The following ANKRD44 variants were observed in gnomAD, a reference collection of about 807,000 sequenced individuals.
ANKRD44 encodes ankyrin repeat domain 44, also known as serine/threonine-protein phosphatase 6 regulatory ankyrin repeat subunit B.
In ANKRD44, 35 loss-of-function variants were observed where a neutral mutation model predicts 116.0. That is an observed-to-expected ratio of 0.30 (90% confidence interval 0.23 to 0.40). ANKRD44 has a LOEUF of 0.40. Among genes scored for constraint, ANKRD44 ranks in the 10% least tolerant of loss-of-function variants. The pLI is 1.00. For synonymous variants in ANKRD44, 435 were observed against 461.8 expected, an observed-to-expected ratio of 0.94 and a Z score of 0.74; for missense variants, 1,014 against 1,242.6, an observed-to-expected ratio of 0.82 and a Z score of 2.77.
chr2:197,197,728 T>C (rs1409647003), intron 1 of ANKRD44, among the ~76,000 whole-genome samples: 1 of 140,928 alleles, frequency 7.1e-6, no homozygotes, highest in African/African-American at 2.7e-5. Context: ...GAGAACCAAC[T>C]GAGCCCAGGA....
chr2:197,047,588 G>C (rs900138440), intron 16 of ANKRD44, among the ~76,000 whole-genome samples: 1 of 152,128 alleles, frequency 6.6e-6, no homozygotes, highest in Non-Finnish European at 1.5e-5. Flanking sequence ...AAGATTTGCA[G>C]CATTTTCCAA....
chr2:197,063,804 G>C (rs2077371710), intron 16 of ANKRD44, among the ~76,000 whole-genome samples: 1 of 152,228 alleles, frequency 6.6e-6, no homozygotes, highest in Non-Finnish European at 1.5e-5. Flanking sequence ...GGGACTATGT[G>C]AAAAGACCAA....
intron 9 of ANKRD44, among the ~76,000 whole-genome samples, chr2:197,103,025 C>G (rs894558890): frequency 1.3e-5 from 2 of 151,926 alleles, no homozygotes; most frequent in African/African-American, 2.4e-5. Flanking sequence ...GTCAGGAGAT[C>G]AAGACCATCC....
At chr2:197,292,789 C>T (rs917572642) in intron 1 of ANKRD44, among the ~76,000 whole-genome samples, 1 of 152,166 alleles carries the variant, frequency 6.6e-6, no homozygotes, top group African/African-American at 2.4e-5. Flanking sequence ...CTCCTTTGGG[C>T]CCTACTTAGC....
At chr2:197,162,625 C>T (rs577112006) in intron 2 of ANKRD44, among the ~76,000 whole-genome samples, 8 of 152,280 alleles carry the variant, frequency 5.3e-5, no homozygotes, top group East Asian at 1.9e-4. Context: ...TTGGGTCACT[C>T]GAAAGTCTTT....
intron 1 of ANKRD44, among the ~76,000 whole-genome samples, chr2:197,188,291 C>G (rs796406354): frequency 1.3e-5 from 2 of 152,178 alleles, no homozygotes; most frequent in African/African-American, 4.8e-5. Flanking sequence ...TGGGTGAAGA[C>G]AAGGGTGTAT....
At chr2:197,306,528 T>C (rs1428809646) in intron 1 of ANKRD44, among the ~76,000 whole-genome samples, 1 of 152,182 alleles carries the variant, frequency 6.6e-6, no homozygotes, top group Non-Finnish European at 1.5e-5. Context: ...CTCAAAACCA[T>C]GTGATTGGGT....
At chr2:197,054,566 A>T (rs1186278334) in intron 16 of ANKRD44, among the ~76,000 whole-genome samples, 1 of 152,212 alleles carries the variant, frequency 6.6e-6, no homozygotes, top group African/African-American at 2.4e-5. Context: ...CCACTCAGCT[A>T]GTGAGGCTGT....
At chr2:197,210,189 G>A (rs1379580637) in intron 1 of ANKRD44, among the ~76,000 whole-genome samples, 1 of 152,180 alleles carries the variant, frequency 6.6e-6, no homozygotes, top group Non-Finnish European at 1.5e-5. Flanking sequence ...TTCGAATGGA[G>A]ACAAAGAAAG....
At chr2:197,050,233 A>G (rs2077080866) in intron 16 of ANKRD44, among the ~76,000 whole-genome samples, 1 of 152,098 alleles carries the variant, frequency 6.6e-6, no homozygotes, top group Non-Finnish European at 1.5e-5. Context: ...CAAGGGGGAT[A>G]GTGCTAAACC....
At chr2:196,970,816 C>T (rs997873598) in intron 21 of ANKRD44, among the ~76,000 whole-genome samples, 4 of 152,166 alleles carry the variant, frequency 2.6e-5, no homozygotes, top group African/African-American at 9.7e-5. Context: ...GTCCTCTCAC[C>T]TCAGCCTCCT....
At chr2:197,097,953 T>C (rs1301667617) in intron 10 of ANKRD44, among the ~76,000 whole-genome samples, 2 of 152,228 alleles carry the variant, frequency 1.3e-5, no homozygotes, top group Non-Finnish European at 2.9e-5. Context: ...GACCCAGCTT[T>C]AGAAATGTGC....
intron 2 of ANKRD44, among the ~76,000 whole-genome samples, chr2:197,159,960 C>G (rs2079917699): frequency 6.6e-6 from 1 of 152,170 alleles, no homozygotes; most frequent in Non-Finnish European, 1.5e-5. Context: ...GCTTCATCCT[C>G]CTCACAGCAT....
chr2:197,059,731 A>C (rs1468420685), intron 16 of ANKRD44, among the ~76,000 whole-genome samples: 3 of 152,204 alleles, frequency 2.0e-5, no homozygotes, highest in Non-Finnish European at 4.4e-5. Context: ...TTTTAGATAC[A>C]CCATCTATTT....
At chr2:197,141,585 C>T (rs1324447096) in intron 3 of ANKRD44, among the ~76,000 whole-genome samples, 3 of 152,128 alleles carry the variant, frequency 2.0e-5, no homozygotes, top group Admixed American at 6.5e-5. Context: ...CAGCATTGTT[C>T]GCGTGTAGCT....
intron 3 of ANKRD44, among the ~76,000 whole-genome samples, chr2:197,146,564 T>G (rs1177783383): frequency 3.3e-5 from 5 of 151,120 alleles, no homozygotes; most frequent in Non-Finnish European, 7.4e-5. Context: ...CATGTATATA[T>G]AGAGAGAGAG....
intron 2 of ANKRD44, among the ~76,000 whole-genome samples, chr2:197,182,953 G>T (rs2697233): frequency 0.96 from 145,525 of 152,182 alleles, 69,609 homozygotes; most frequent in East Asian, 1. Context: ...GTAGAGAAGA[G>T]AGCAGAAAGG....
chr2:197,116,946 A>C (rs1040391166), intron 8 of ANKRD44, among the ~76,000 whole-genome samples: 1 of 152,066 alleles, frequency 6.6e-6, no homozygotes, highest in African/African-American at 2.4e-5. Flanking sequence ...CAATAATAAC[A>C]TCTATTTTTC....
intron 3 of ANKRD44, among the ~76,000 whole-genome samples, chr2:197,141,619 A>C (rs1169704727): frequency 6.6e-6 from 1 of 152,198 alleles, no homozygotes; most frequent in African/African-American, 2.4e-5. Flanking sequence ...AGAAATTTCA[A>C]GGTGATTAGA....
Sources: allele counts gnomAD v4.1 joint callset (sites outside exome capture counted in the v4.1 genomes callset), GRCh38; gene constraint gnomAD v4.1.1; transcripts MANE v1.5; gene names NCBI Gene and HGNC (gene_info 2026-07-23, HGNC 2026-07-21).